ELAPOR1: variants seen among roughly 807,000 people sequenced by gnomAD.
ELAPOR1 encodes the protein endosome-lysosome associated apoptosis and autophagy regulator 1.
ELAPOR1 carries 77 observed loss-of-function variants against 119.7 expected under a neutral mutation model. That is an observed-to-expected ratio of 0.64 (90% CI 0.54 to 0.78). The LOEUF is 0.78. Ranked by LOEUF, ELAPOR1 falls within the 30% of genes least tolerant of loss-of-function variation. ELAPOR1 has a pLI of 0.00. For missense variants in ELAPOR1, 1,115 were observed against 1,270.4 expected (o/e 0.88, Z 1.86); for synonymous variants, 481 against 487.2 (o/e 0.99, Z 0.17).
intron 1 of ELAPOR1, among the ~76,000 whole-genome samples, chr1:109,153,281 T>G (rs1020223613): frequency 6.6e-6 from 1 of 152,192 alleles, no homozygotes; most frequent in East Asian, 1.9e-4. Flanking sequence ...AAACTCATAC[T>G]CTTTAACCTA....
intron 1 of ELAPOR1, among the ~76,000 whole-genome samples, chr1:109,118,387 G>A (rs1648162888): frequency 1.3e-5 from 2 of 152,174 alleles, no homozygotes; most frequent in Non-Finnish European, 2.9e-5. Flanking sequence ...TAAACTAAGT[G>A]GAGAATCCCT....
At chr1:109,152,658 C>T (rs1650603419) in intron 1 of ELAPOR1, among the ~76,000 whole-genome samples, 1 of 151,862 alleles carries the variant, frequency 6.6e-6, no homozygotes, top group Admixed American at 6.6e-5. Flanking sequence ...AAAAAAGGAC[C>T]ATGAGGCCGG....
rs1652072218 is a variant in ELAPOR1, at chr1:109,173,767, T to C, written c.882T>C (p.Leu294=). ...ADKQGSSFCK[L]CPANSYSNKG... is the part of the protein sequence containing the mutation. ...AGCAGGGCTCCTCTTTCTGCAAACTTTGCCCAGCCAACTCTTATTCAAATA... is the reference window on the plus strand; with the variant it reads ...AGCAGGGCTCCTCTTTCTGCAAACTCTGCCCAGCCAACTCTTATTCAAATA... The change falls in exon 7 of 22, where the codon CTT becomes CTC. Residue 294 remains leucine (L), a synonymous_variant. Coordinates refer to ENST00000369939, the MANE Select transcript of ELAPOR1 (RefSeq NM_020775.5). 6.2e-7 allele frequency: 1 copy of C among 1,614,166 alleles called. No homozygotes were observed. The highest frequency in any genetic ancestry group is 1.3e-5 in the African/African-American group (1 of 75,030).
intron 1 of ELAPOR1, among the ~76,000 whole-genome samples, chr1:109,139,059 G>T (rs1558025820): frequency 6.6e-6 from 1 of 151,886 alleles, no homozygotes; most frequent in Non-Finnish European, 1.5e-5. Context: ...TACTACTAAA[G>T]TTACCTCGTG....
chr1:109,138,834 C>CAAAAAAATAAAAAAAAAA (rs1649651701), intron 1 of ELAPOR1, among the ~76,000 whole-genome samples: 1 of 107,340 alleles, frequency 9.3e-6, no homozygotes, highest in Non-Finnish European at 1.8e-5. Context: ...AACTCCATCT[C>CAAAAAAATAAAAAAAAAA]AAAAAAAAAA....
At chr1:109,197,866 T>C in intron 16 of ELAPOR1, 113 bp from the exon 17 acceptor site, 1 of 1,071,188 alleles carries the variant, frequency 9.3e-7, no homozygotes, top group Non-Finnish European at 1.4e-6. Context: ...CATAAGCCAC[T>C]CAGGGATGTG....
At chr1:109,155,023 C>T (rs1302791953) in intron 1 of ELAPOR1, among the ~76,000 whole-genome samples, 3 of 152,128 alleles carry the variant, frequency 2.0e-5, no homozygotes, top group Admixed American at 6.6e-5. Context: ...GTTTATATCT[C>T]CTCCCCGTCC....
At chr1:109,180,362 C>T (rs1282457400) in intron 7 of ELAPOR1, among the ~76,000 whole-genome samples, 1 of 152,092 alleles carries the variant, frequency 6.6e-6, no homozygotes, top group Non-Finnish European at 1.5e-5. Context: ...GGAAGGACAG[C>T]TGGGCACAGT....
intron 1 of ELAPOR1, among the ~76,000 whole-genome samples, chr1:109,143,169 C>T (rs373437240): frequency 3.3e-5 from 5 of 152,172 alleles, no homozygotes; most frequent in East Asian, 1.9e-4. Context: ...AGGCTGGTCT[C>T]GAAGTCCTGG....
rs1397690695 is a variant in ELAPOR1 at position 109,192,878 on chromosome 1, C to A, written c.1947+4C>A. 3 of 1,613,392 alleles carry A rather than the reference C, an allele frequency of 1.9e-6. 1 individual carries two copies. The highest frequency in any genetic ancestry group is 2.2e-5 in the East Asian group (1 of 44,862). ...TCCAGGGACCAAGAACAACAAGGTA[C>A]CTGTAGTCTGGCATGCATCCTAAAC... is the stretch of plus-strand genomic sequence containing the variant. On this transcript the variant is annotated splice_donor_region_variant and intron_variant, in intron 14 of 21. Coordinates refer to ENST00000369939, the MANE Select transcript of ELAPOR1 (RefSeq NM_020775.5).
At chr1:109,174,402 G>T (rs1205839603) in intron 7 of ELAPOR1, among the ~76,000 whole-genome samples, 1 of 87,328 alleles carries the variant, frequency 1.1e-5, no homozygotes, top group African/African-American at 4.5e-5. Flanking sequence ...GACAGAGTAA[G>T]ACCCTGTCTC....
At chr1:109,118,242 T>A (rs1648154251) in intron 1 of ELAPOR1, among the ~76,000 whole-genome samples, 1 of 152,106 alleles carries the variant, frequency 6.6e-6, no homozygotes, top group African/African-American at 2.4e-5. Flanking sequence ...AGGAAGGGTG[T>A]TTTCTAGATA....
intron 8 of ELAPOR1, among the ~76,000 whole-genome samples, chr1:109,186,096 GGA>G (rs888689750): frequency 3.3e-5 from 5 of 152,062 alleles, no homozygotes; most frequent in East Asian, 3.9e-4. Context: ...ACCAGGATTA[GGA>G]GAGAGAGAAT....
intron 1 of ELAPOR1, among the ~76,000 whole-genome samples, chr1:109,119,133 G>T (rs1304790749): frequency 1.3e-5 from 2 of 151,826 alleles, no homozygotes; most frequent in African/African-American, 4.8e-5. Flanking sequence ...CTGACCTCAG[G>T]CGATCTGCCC....
At chr1:109,147,978 C>T (rs1373430611) in intron 1 of ELAPOR1, among the ~76,000 whole-genome samples, 15 of 148,248 alleles carry the variant, frequency 1.0e-4, no homozygotes, top group African/African-American at 2.2e-4. Context: ...TACAGGTGCC[C>T]GCCACCACGC....
intron 1 of ELAPOR1, among the ~76,000 whole-genome samples, chr1:109,138,688 C>T (rs1649636689): frequency 1.3e-5 from 2 of 151,920 alleles, no homozygotes; most frequent in Admixed American, 1.3e-4. Context: ...GTGTCAGGTC[C>T]TGCCCAGGGT....
rs1653455801 is a variant in ELAPOR1 at position 109,191,790 on chromosome 1, A to G, written c.1610A>G (p.Tyr537Cys). 1.2e-6 allele frequency: 2 copies of G among 1,614,104 alleles called. No individual in the cohort carries two copies. Among genetic ancestry groups the G allele is most frequent in the African/African-American group, 1.3e-5 (1 of 74,932 alleles). Residue 537 changes from tyrosine (Y) to cysteine (C), a missense_variant, in exon 13 of 22, where the codon TAT becomes TGT. By Grantham distance (194) the Tyr-to-Cys change is radical. Transcript: ENST00000369939. ...AAAGGTTCCAAAGGCAAACAGTCCTATACCTACATCATTGAGGAGAACACT... is the reference window on the plus strand; with the variant it reads ...AAAGGTTCCAAAGGCAAACAGTCCTGTACCTACATCATTGAGGAGAACACT... Reference protein sequence around the residue: ...TWKGSKGKQSYTYIIEENTTT... With the variant: ...TWKGSKGKQSCTYIIEENTTT...
At chr1:109,146,175 C>A (rs1249855111) in intron 1 of ELAPOR1, among the ~76,000 whole-genome samples, 1 of 151,982 alleles carries the variant, frequency 6.6e-6, no homozygotes, top group Non-Finnish European at 1.5e-5. Flanking sequence ...AAAAAATTAG[C>A]CGGGCATGGG....
chr1:109,134,353 C>T (rs1649329239), intron 1 of ELAPOR1, among the ~76,000 whole-genome samples: 1 of 152,182 alleles, frequency 6.6e-6, no homozygotes, highest in Non-Finnish European at 1.5e-5. Context: ...CTCATAGGTT[C>T]TCCAGGTGGA....
Sources: gnomAD v4.1 joint callset for allele counts (sites outside exome capture counted in the v4.1 genomes callset) on GRCh38, gnomAD v4.1.1 for gene constraint, MANE v1.5 for transcripts, NCBI Gene and HGNC (gene_info 2026-07-23, HGNC 2026-07-21) for gene names.